VAC14: variants seen among roughly 807,000 people sequenced by gnomAD.
VAC14 encodes the protein VAC14 component of PIKFYVE complex.
VAC14 carries 47 observed loss-of-function variants against 85.3 expected under a neutral mutation model. The ratio of observed to expected loss-of-function variants is 0.55; its 90% CI spans 0.44 to 0.70. The LOEUF (loss-of-function observed/expected upper bound fraction) is 0.70. VAC14 is among the 30% of genes least tolerant of loss of function. VAC14 has a pLI of 0.00. For synonymous variants in VAC14, 447 were observed against 430.5 expected, an observed-to-expected ratio of 1.04 and a Z score of -0.47; for missense variants, 861 against 1,004.3, an observed-to-expected ratio of 0.86 and a Z score of 1.93.
At position 70,763,076 on chromosome 16, in the gene VAC14, C is replaced by A. The variant is rs1332509976; in HGVS notation, c.1161-51G>T. ...CAGAGGTGAAGCCCACCATAGCCCTCTCCCATGGAGTCATGGCACCACCCT... is the reference window on the plus strand; with the variant it reads ...CAGAGGTGAAGCCCACCATAGCCCTATCCCATGGAGTCATGGCACCACCCT... On this transcript the variant is annotated intron_variant, in intron 10 of 18. Transcript: ENST00000261776. 3 of 1,611,300 alleles carry A rather than the reference C, an allele frequency of 1.9e-6. 1 individual carries two copies. In the South Asian group the frequency reaches 3.3e-5, roughly 18 times the overall value.
chr16:70,799,983 A>T (rs1340269918), intron 1 of VAC14, among the ~76,000 whole-genome samples: 1 of 152,250 alleles, frequency 6.6e-6, no homozygotes, highest in Non-Finnish European at 1.5e-5. Flanking sequence ...GAACAGAAAT[A>T]CAATTCACCT....
intron 14 of VAC14, among the ~76,000 whole-genome samples, chr16:70,730,818 C>G (rs907880907): frequency 1.3e-5 from 2 of 152,090 alleles, no homozygotes; most frequent in African/African-American, 4.8e-5. Context: ...ACCTGCAGGG[C>G]TGAGAACCAC....
At chr16:70,720,515 C>T (rs2142998604) in intron 14 of VAC14, among the ~76,000 whole-genome samples, 1 of 152,288 alleles carries the variant, frequency 6.6e-6, no homozygotes, top group Non-Finnish European at 1.5e-5. Context: ...AAGACAGTGT[C>T]TCGGGCACGG....
chr16:70,729,566 G>A (rs939370363), intron 14 of VAC14, among the ~76,000 whole-genome samples: 4 of 152,024 alleles, frequency 2.6e-5, no homozygotes, highest in Middle Eastern at 3.4e-3. Flanking sequence ...GACCATCCCC[G>A]GGTCTCACCT....
At chr16:70,731,340 AGG>A in intron 14 of VAC14, 153 bp downstream of exon 14, 3 of 1,482,592 alleles carry the variant, frequency 2.0e-6, no homozygotes, top group Non-Finnish European at 2.7e-6. Context: ...ACCAGTATGA[AGG>A]GGCAACCTTC....
intron 12 of VAC14, among the ~76,000 whole-genome samples, chr16:70,759,866 C>T (rs1419064661): frequency 1.3e-5 from 2 of 152,142 alleles, no homozygotes; most frequent in East Asian, 1.9e-4. Context: ...AGGGCCCAGG[C>T]TTTAGTGCCA....
At chr16:70,789,721 A>T (rs2034247278) in intron 1 of VAC14, among the ~76,000 whole-genome samples, 1 of 152,220 alleles carries the variant, frequency 6.6e-6, no homozygotes, top group African/African-American at 2.4e-5. Flanking sequence ...TTATTTTCCT[A>T]AATTCTGCAA....
intron 14 of VAC14, among the ~76,000 whole-genome samples, chr16:70,706,153 G>C (rs541422042): frequency 1.3e-5 from 2 of 152,360 alleles, no homozygotes; most frequent in East Asian, 3.9e-4. Flanking sequence ...TGGTCAGAGG[G>C]TGTCATGGGG....
At chr16:70,798,271 A>C (rs1011697660) in intron 1 of VAC14, among the ~76,000 whole-genome samples, 8 of 152,194 alleles carry the variant, frequency 5.3e-5, no homozygotes, top group African/African-American at 1.9e-4. Flanking sequence ...AAGCACTTTC[A>C]TTTAGGGAGC....
chr16:70,706,314 G>C (rs182955565), intron 14 of VAC14, among the ~76,000 whole-genome samples: 3 of 152,324 alleles, frequency 2.0e-5, no homozygotes, highest in Non-Finnish European at 4.4e-5. Context: ...GTGTGGGCTG[G>C]GTGGACTCCA....
chr16:70,751,569 C>G (rs1006502858), intron 12 of VAC14, among the ~76,000 whole-genome samples: 5 of 152,232 alleles, frequency 3.3e-5, no homozygotes, highest in Non-Finnish European at 1.5e-5. Flanking sequence ...AGCCTGGCCC[C>G]TTCCTTCGTG....
At chr16:70,764,965 C>G (rs901181573) in intron 10 of VAC14, among the ~76,000 whole-genome samples, 1 of 152,178 alleles carries the variant, frequency 6.6e-6, no homozygotes, top group Middle Eastern at 3.2e-3. Flanking sequence ...CCTTCCCTTG[C>G]GTTCTGTTCC....
chr16:70,706,435 C>A (rs925295935), intron 14 of VAC14, among the ~76,000 whole-genome samples: 2 of 152,376 alleles, frequency 1.3e-5, no homozygotes, highest in Admixed American at 1.3e-4. Flanking sequence ...TCCCTTCTCC[C>A]TATGGCCAGG....
intron 2 of VAC14, 47 bp downstream of exon 2, chr16:70,786,162 GGTCAGC>G (rs1310014843): frequency 2.6e-5 from 42 of 1,591,372 alleles, no homozygotes; most frequent in Non-Finnish European, 3.6e-5. Flanking sequence ...GGGATGGCTT[GGTCAGC>G]GTCAAGGCCA....
At chr16:70,776,876 C>T (rs1041729309) in intron 9 of VAC14, among the ~76,000 whole-genome samples, 3 of 146,106 alleles carry the variant, frequency 2.1e-5, no homozygotes, top group African/African-American at 5.1e-5. Flanking sequence ...GGTGTGATCT[C>T]GGCTCACTGC....
chr16:70,780,888 G>T lies in VAC14; in HGVS notation c.998C>A (p.Thr333Asn). The T allele has an allele frequency of 6.2e-7, 1 of 1,614,178 alleles. No homozygotes were observed. Among genetic ancestry groups the T allele is most frequent in the Non-Finnish European group, 8.5e-7 (1 of 1,180,036 alleles). The change falls in exon 9 of 19, where the codon ACC becomes AAC. Residue 333 changes from threonine to asparagine, a missense_variant. Thr to Asn is a moderately conservative substitution (Grantham distance 65). Around this residue, in one of 3 missense-constraint regions of VAC14, gnomAD observed 629 missense variants for 703.1 expected, o/e 0.89. Coordinates refer to ENST00000261776, the MANE Select transcript of VAC14 (RefSeq NM_018052.5). The part of the protein sequence containing the change: ...VCNQSLMKLV[T>N]PEDDELDELR... ...CTCATCCAGCTCGTCGTCCTCGGGG[G>T]TGACCAGCTTCATCAGGCTCTGGTT...
intron 9 of VAC14, among the ~76,000 whole-genome samples, chr16:70,780,229 G>GC (rs1441810366): frequency 1.3e-5 from 2 of 152,090 alleles, no homozygotes; most frequent in Non-Finnish European, 2.9e-5. Flanking sequence ...GGAGAGCAGA[G>GC]CAACTTCACT....
chr16:70,764,468 T>C (rs573095211), intron 10 of VAC14, among the ~76,000 whole-genome samples: 16 of 152,150 alleles, frequency 1.1e-4, no homozygotes, highest in African/African-American at 3.9e-4. Context: ...GGTAGAGGAG[T>C]CTAGGGCGGT....
At chr16:70,721,382 G>C (rs1036464464) in intron 14 of VAC14, among the ~76,000 whole-genome samples, 3 of 152,044 alleles carry the variant, frequency 2.0e-5, no homozygotes, top group African/African-American at 7.2e-5. Context: ...GGAGGAGAAA[G>C]AAGAGGAAGA....
Sources: gnomAD v4.1 joint callset for allele counts (sites outside exome capture counted in the v4.1 genomes callset) on GRCh38, gnomAD v4.1.1 for gene constraint, gnomAD v4.1.1 regional missense constraint, MANE v1.5 for transcripts, NCBI Gene and HGNC (gene_info 2026-07-23, HGNC 2026-07-21) for gene names.